CENPM: variants seen among roughly 807,000 people sequenced by gnomAD.
CENPM encodes the protein interphase centromere complex protein 39.
In CENPM, 14 loss-of-function variants were observed where a neutral mutation model predicts 19.6. The observed-to-expected ratio is 0.71, with a 90% CI of 0.47 to 1.11. The LOEUF (loss-of-function observed/expected upper bound fraction) is 1.11, where lower values mean the gene tolerates loss of function less well. CENPM is among the 50% of genes most tolerant of loss of function. The pLI is 0.00. For synonymous variants in CENPM, 114 were observed against 101.5 expected (o/e 1.12, Z -0.74); for missense variants, 239 against 228.4 (o/e 1.05, Z -0.30).
chr22:41,927,449 CACCT>C, the CENPM span, among the ~76,000 whole-genome samples: 4 of 152,276 alleles, frequency 2.6e-5, no homozygotes, highest in African/African-American at 9.6e-5. Context: ...TCCCCCAACC[CACCT>C]GTCTCCTCCT....
In CENPM at chr22:41,945,310, G is replaced by C; in HGVS notation, c.231-6C>G. ...ACTCCTCTGTGTTCTGGAGACTGGG[G>C]TGGCCAGGCCAGGGTGAGAAAACAA... On this transcript the variant is annotated splice_region_variant and splice_polypyrimidine_tract_variant and intron_variant, in intron 3 of 5. Coordinates refer to ENST00000215980, the MANE Select transcript of CENPM (RefSeq NM_024053.5). 1 of 1,614,052 alleles carries C rather than the reference G, an allele frequency of 6.2e-7. No individual in the cohort carries two copies. Among genetic ancestry groups the C allele is most frequent in the Non-Finnish European group, 8.5e-7 (1 of 1,180,010 alleles).
chr22:41,945,303 G>A lies in CENPM; in HGVS notation c.232C>T (p.Leu78Phe), dbSNP rs2077786667. 6.2e-7 allele frequency: 1 copy of A among 1,613,926 alleles called. No individual in the cohort carries two copies. The highest frequency in any genetic ancestry group is 1.7e-5 in the Admixed American group (1 of 59,988). The stretch of plus-strand genomic sequence containing the variant: ...CGCAGGGACTCCTCTGTGTTCTGGA[G>A]ACTGGGGTGGCCAGGCCAGGGTGAG... ...FVVNLHSKYS[L>F]QNTEESLRHV... The change falls in exon 4 of 6, where the codon CTC (leucine) becomes TTC (phenylalanine). Residue 78 changes from leucine (L) to phenylalanine (F), a missense_variant and splice_region_variant. Leu to Phe is a conservative substitution (Grantham distance 22, BLOSUM62 0). Transcript: ENST00000215980.
the CENPM span, chr22:41,928,313 G>T: frequency 5.9e-6 from 1 of 169,778 alleles, no homozygotes. The surrounding 1 kb of genome is among the most constrained non-coding windows in gnomAD (Gnocchi z 4.0). Flanking sequence ...CCCAGTGTTT[G>T]GGGTCCCCAA....
chr22:41,942,442 C>T (rs993486607), intron 5 of CENPM, among the ~76,000 whole-genome samples: 1 of 152,078 alleles, frequency 6.6e-6, no homozygotes, highest in Non-Finnish European at 1.5e-5. Flanking sequence ...AAGACCTCAT[C>T]GCTATATTAA....
At chr22:41,946,075 C>T in intron 2 of CENPM, 70 bp from the exon 3 acceptor site, 1 of 1,353,608 alleles carries the variant, frequency 7.4e-7, no homozygotes, top group Non-Finnish European at 1.0e-6. Flanking sequence ...AAATGCTGCC[C>T]TTCATGTGGA....
chr22:41,939,312 G>C, intron 5 of CENPM, 116 bp from the exon 6 acceptor site: 2 of 1,259,832 alleles, frequency 1.6e-6, no homozygotes. Flanking sequence ...GGGTAGCTCA[G>C]GTCACCACTG....
chr22:41,937,964 C>T (rs1367998433), downstream of CENPM, among the ~76,000 whole-genome samples: 6 of 151,994 alleles, frequency 3.9e-5, no homozygotes, highest in Non-Finnish European at 8.8e-5. Context: ...CTGCCTCAGC[C>T]TCCCAAGTAG....
At chr22:41,942,171 A>G (rs2077746464) in intron 5 of CENPM, among the ~76,000 whole-genome samples, 1 of 152,198 alleles carries the variant, frequency 6.6e-6, no homozygotes, top group South Asian at 2.1e-4. Context: ...AAACCAATAA[A>G]CAGGTTTCCA....
chr22:41,944,048 C>T, intron 4 of CENPM: 4 of 952,692 alleles, frequency 4.2e-6, no homozygotes, highest in Non-Finnish European at 5.0e-6. Context: ...AGGTCAGACA[C>T]CTCATGCATG....
chr22:41,928,956 C>T, the CENPM span, among the ~76,000 whole-genome samples: 1 of 152,082 alleles, frequency 6.6e-6, no homozygotes. The surrounding 1 kb of genome is among the most constrained non-coding windows in gnomAD (Gnocchi z 4.0). Flanking sequence ...CAAAGAACCC[C>T]AGTCAGCCAG....
chr22:41,928,213 GC>G, the CENPM span: 1 of 381,862 alleles, frequency 2.6e-6, no homozygotes, highest in Admixed American at 2.9e-5. The surrounding 1 kb of genome is among the most constrained non-coding windows in gnomAD (Gnocchi z 4.0). Context: ...AGGGAAGCCC[GC>G]CCACACCTGC....
At chr22:41,940,167 C>T (rs762607921) in intron 5 of CENPM, 11 of 771,874 alleles carry the variant, frequency 1.4e-5, no homozygotes, top group Admixed American at 1.7e-5. Flanking sequence ...GTCCCACACT[C>T]GGCCCATGCA....
the CENPM span, among the ~76,000 whole-genome samples, chr22:41,932,092 C>G: frequency 6.6e-6 from 1 of 152,002 alleles, no homozygotes; most frequent in Non-Finnish European, 1.5e-5. This position sits in a 1 kb window ranked among gnomAD's most constrained non-coding sequence, Gnocchi z 4.3. Context: ...AACAGCTTTT[C>G]CCGTGTTCCA....
intron 5 of CENPM, among the ~76,000 whole-genome samples, chr22:41,942,619 T>C (rs1369026804): frequency 6.6e-6 from 1 of 151,696 alleles, no homozygotes; most frequent in Non-Finnish European, 1.5e-5. Context: ...GGCGTGGTGG[T>C]GGGTGCCGGT....
At chr22:41,933,586 C>T in the CENPM span, among the ~76,000 whole-genome samples, 3 of 152,284 alleles carry the variant, frequency 2.0e-5, no homozygotes, top group East Asian at 3.9e-4. Context: ...GAGCTGCCCT[C>T]AGCAGCCCCC....
chr22:41,934,951 G>A (rs947169878), downstream of CENPM, among the ~76,000 whole-genome samples: 3 of 152,218 alleles, frequency 2.0e-5, no homozygotes, highest in African/African-American at 4.8e-5. Flanking sequence ...TCCAGATGGC[G>A]TGAAGCAACC....
At chr22:41,928,107 G>C in the CENPM span, 1 of 363,722 alleles carries the variant, frequency 2.7e-6, no homozygotes, top group Non-Finnish European at 5.5e-6. This position sits in a 1 kb window ranked among gnomAD's most constrained non-coding sequence, Gnocchi z 4.0. Context: ...AGGGAGCTTG[G>C]ACTGTGGCTG....
chr22:41,934,813 C>A (rs2077677288), downstream of CENPM, among the ~76,000 whole-genome samples: 1 of 152,238 alleles, frequency 6.6e-6, no homozygotes, highest in Non-Finnish European at 1.5e-5. Flanking sequence ...CGCCACCAAG[C>A]AAGCAGCCAA....
intron 3 of CENPM, 143 bp from the exon 4 acceptor site, chr22:41,945,447 A>ATTTT (rs377012454): frequency 1.8e-4 from 198 of 1,098,896 alleles, no homozygotes; most frequent in Non-Finnish European, 1.9e-4. Flanking sequence ...TTGTCCTTTA[A>ATTTT]TTTTTTTTTT....
Sources: gnomAD v4.1 joint callset for allele counts (sites outside exome capture counted in the v4.1 genomes callset) on GRCh38, gnomAD v4.1.1 for gene constraint, Gnocchi (gnomAD v3.1) non-coding constraint, MANE v1.5 for transcripts, NCBI Gene and HGNC (gene_info 2026-07-23, HGNC 2026-07-21) for gene names.